Variants in RABGAP1L observed in about 807,000 individuals in gnomAD.
RABGAP1L encodes the protein rab GTPase-activating protein 1-like.
A neutral mutation model predicts 137.7 loss-of-function variants in RABGAP1L; 63 were observed. That is an observed-to-expected ratio of 0.46 (90% CI 0.37 to 0.56). RABGAP1L has a LOEUF of 0.56. Among genes scored for constraint, RABGAP1L ranks in the 20% least tolerant of loss-of-function variants. The pLI is 0.00. For missense variants in RABGAP1L, 1,095 were observed against 1,244.0 expected (o/e 0.88, Z 1.80); for synonymous variants, 431 against 433.7 (o/e 0.99, Z 0.08).
intron 13 of RABGAP1L, chr1:174,548,131 G>A (rs1666171680): frequency 1.3e-6 from 2 of 1,511,404 alleles, no homozygotes; most frequent in Admixed American, 2.1e-5. Context: ...GCAACTTTAT[G>A]GATCATTTCC....
At position 174,176,713 on chromosome 1, in the gene RABGAP1L, GAAA is replaced by G. The variant is rs71563251; in HGVS notation, c.-34+17087_-34+17089del. 1.4e-3 allele frequency among the ~76,000 whole-genome samples: 31 copies of G among 21,544 alleles called. 1 individual carries two copies. Among genetic ancestry groups the G allele is most frequent in the East Asian group, 3.6e-3 (2 of 560 alleles). The allele number at this position is 21,544 out of a possible 152,430, so 14.1% of individuals were successfully genotyped here. On this transcript the variant is annotated intron_variant, in intron 1 of 25. Coordinates refer to ENST00000681986, the MANE Select transcript of RABGAP1L (RefSeq NM_001366446.1). ...GACAACAGAGGGAGACCCTTTTTCA[GAAA>G]AAAAAAAAAAAAAAAAAAAAAAAAA...
At chr1:174,306,292 G>T (rs1678239462) in intron 11 of RABGAP1L, among the ~76,000 whole-genome samples, 1 of 152,162 alleles carries the variant, frequency 6.6e-6, no homozygotes, top group African/African-American at 2.4e-5. Context: ...TAATTGGATG[G>T]CTGGGTCAAA....
intron 19 of RABGAP1L, among the ~76,000 whole-genome samples, chr1:174,952,545 A>G (rs1314800027): frequency 1.3e-5 from 2 of 151,966 alleles, no homozygotes; most frequent in South Asian, 2.1e-4. Context: ...TTTGATAATC[A>G]GGAAACTTAA....
In RABGAP1L at chr1:174,374,349, T is replaced by C. The variant is rs193043366; in HGVS notation, c.1559+3277T>C. 9.6e-4 allele frequency among the ~76,000 whole-genome samples: 146 copies of C among 152,152 alleles called. 1 individual carries two copies. The highest frequency in any genetic ancestry group is 1.8e-3 in the Admixed American group (28 of 15,284). ...TGAAGAACAGGGGCATAGTCTTCCG[T>C]TGTGGCCACTTCATAAAACAAGGAC... On this transcript the variant is annotated intron_variant, in intron 12 of 25. Transcript: ENST00000681986.
chr1:174,536,266 T>C (rs1027430028), intron 13 of RABGAP1L, among the ~76,000 whole-genome samples: 14 of 152,088 alleles, frequency 9.2e-5, no homozygotes, highest in African/African-American at 2.2e-4. Flanking sequence ...CACTTTTTTT[T>C]CCAAAGGACA....
chr1:174,583,604 T>C (rs940538917), intron 13 of RABGAP1L, among the ~76,000 whole-genome samples: 2 of 152,128 alleles, frequency 1.3e-5, no homozygotes, highest in Non-Finnish European at 2.9e-5. Flanking sequence ...AAAGTTCCCA[T>C]AGCTCATAGA....
At chr1:174,276,188 G>C (rs769017190) in intron 9 of RABGAP1L, among the ~76,000 whole-genome samples, 1 of 152,086 alleles carries the variant, frequency 6.6e-6, no homozygotes, top group Non-Finnish European at 1.5e-5. Context: ...TGTTGCCCAG[G>C]GTAGAGTATA....
chr1:174,684,836 G>C (rs780829024), intron 15 of RABGAP1L, among the ~76,000 whole-genome samples: 7 of 152,094 alleles, frequency 4.6e-5, no homozygotes, highest in Non-Finnish European at 1.0e-4. Context: ...AGGTATCTGG[G>C]TGTGTTGGTG....
chr1:174,436,690 T>C (rs1368691335), intron 13 of RABGAP1L, among the ~76,000 whole-genome samples: 5 of 152,214 alleles, frequency 3.3e-5, no homozygotes, highest in Non-Finnish European at 7.3e-5. Context: ...TTGGCTTTTG[T>C]TGCCATTGCT....
chr1:174,574,392 T>A (rs1229080980), intron 13 of RABGAP1L, among the ~76,000 whole-genome samples: 2 of 152,188 alleles, frequency 1.3e-5, no homozygotes, highest in African/African-American at 4.8e-5. Flanking sequence ...TTAATCGATT[T>A]ACGTCTGAAG....
intron 15 of RABGAP1L, among the ~76,000 whole-genome samples, chr1:174,698,251 G>C (rs1396986173): frequency 6.6e-6 from 1 of 152,110 alleles, no homozygotes; most frequent in African/African-American, 2.4e-5. Context: ...TAGAATATTA[G>C]ATATGTCCCT....
rs1671363313 is a variant in RABGAP1L at position 174,984,038 on chromosome 1, T to A, written c.2805+1133T>A. Among the ~76,000 whole-genome samples, 4 of 139,872 alleles carry A rather than the reference T, an allele frequency of 2.9e-5. No individual in the cohort carries two copies. The South Asian group carries it at 9.7e-4, about 34-fold the overall frequency. 91.8% of individuals were successfully genotyped at this position (139,872 alleles called of 152,430 possible). ...GGGGTTAACTCTCCTGAAGTGAATT[T>A]TTTTTGTATTTCTTCTAACAAAAAA... On this transcript the variant is annotated intron_variant, in intron 24 of 25. Transcript: ENST00000681986.
In RABGAP1L at chr1:174,994,383, T is replaced by G. The variant is rs1312974489; in HGVS notation, c.*4382T>G. ...CAAGCTTATCTCCACCTGAATTTGCTGCCTGCTATAAAAACATTTCATTAA... is the reference window on the plus strand; with the variant it reads ...CAAGCTTATCTCCACCTGAATTTGCGGCCTGCTATAAAAACATTTCATTAA... On this transcript the variant is annotated 3_prime_UTR_variant, in exon 26 of 26. Transcript: ENST00000681986. 6.6e-6 allele frequency: 1 copy of G among 152,248 alleles called. No homozygotes were observed. Among genetic ancestry groups the G allele is most frequent in the Non-Finnish European group, 1.5e-5 (1 of 68,048 alleles). The allele number at this position is 152,248 out of a possible 1,614,324, so 9.4% of individuals were successfully genotyped here.
intron 11 of RABGAP1L, among the ~76,000 whole-genome samples, chr1:174,350,443 A>C (rs1683039047): frequency 3.5e-5 from 3 of 85,338 alleles, no homozygotes; most frequent in South Asian, 6.2e-4. Flanking sequence ...CGCTCCTCAC[A>C]TCCCAGATGG....
rs1468678033 is a variant in RABGAP1L at position 174,222,957 on chromosome 1, A to G, written c.331+1793A>G. 2.6e-5 allele frequency among the ~76,000 whole-genome samples: 4 copies of G among 151,936 alleles called. No homozygotes were observed. In the East Asian group the frequency reaches 7.7e-4, roughly 29 times the overall value. On this transcript the variant is annotated intron_variant, in intron 3 of 25. Transcript: ENST00000681986. The stretch of plus-strand genomic sequence containing the variant: ...TTGAGACCAGCCTGGCCAACATGGC[A>G]AAACCCCGTCTCTATTAAAAATACA...
intron 4 of RABGAP1L, 65 bp downstream of exon 4, chr1:174,231,420 T>A: frequency 7.0e-7 from 1 of 1,427,560 alleles, no homozygotes; most frequent in Non-Finnish European, 9.9e-7. Flanking sequence ...GAAGATGTTA[T>A]AGCATCATCA....
At chr1:174,798,240 CA>C (rs1161748259) in intron 18 of RABGAP1L, among the ~76,000 whole-genome samples, 2,802 of 82,944 alleles carry the variant, frequency 0.034, 50 homozygotes, top group South Asian at 0.1. Flanking sequence ...ACTAAAAATA[CA>C]AAAAAAAAAA....
intron 13 of RABGAP1L, among the ~76,000 whole-genome samples, chr1:174,469,766 A>G (rs1020859021): frequency 6.6e-6 from 1 of 152,186 alleles, no homozygotes; most frequent in Non-Finnish European, 1.5e-5. Flanking sequence ...GGAACAAAAC[A>G]AGAACATCAA....
intron 15 of RABGAP1L, among the ~76,000 whole-genome samples, chr1:174,688,124 T>A (rs1024854546): frequency 6.6e-6 from 1 of 152,176 alleles, no homozygotes; most frequent in African/African-American, 2.4e-5. Flanking sequence ...TTCAACTGCC[T>A]TTGTAATGAA....
Sources: allele counts gnomAD v4.1 joint callset (sites outside exome capture counted in the v4.1 genomes callset), GRCh38; gene constraint gnomAD v4.1.1; transcripts MANE v1.5; gene names NCBI Gene and HGNC (gene_info 2026-07-23, HGNC 2026-07-21).